The following ADAMTS19 variants were observed in gnomAD, a reference collection of about 807,000 sequenced individuals.
ADAMTS19 encodes A disintegrin and metalloproteinase with thrombospondin motifs 19.
A neutral mutation model predicts 153.3 loss-of-function variants in ADAMTS19; 93 were observed. That is an observed-to-expected ratio of 0.61 (90% CI 0.51 to 0.72). ADAMTS19 has a LOEUF of 0.72. Ranked by LOEUF, ADAMTS19 falls within the 30% of genes least tolerant of loss-of-function variation. The pLI, the probability that ADAMTS19 is intolerant of heterozygous loss-of-function variation, is 0.00. For missense variants in ADAMTS19, 1,482 were observed against 1,552.1 expected, an observed-to-expected ratio of 0.95 and a Z score of 0.76; for synonymous variants, 600 against 556.6, an observed-to-expected ratio of 1.08 and a Z score of -1.10.
chr5:129,579,202 G>A (rs10042727), intron 7 of ADAMTS19, among the ~76,000 whole-genome samples: 4,280 of 152,240 alleles, frequency 0.028, 200 homozygotes, highest in African/African-American at 0.097. Flanking sequence ...GTGGTGATGA[G>A]CTTTTTTTCA....
At chr5:129,687,923 C>T (rs1755164061) in intron 18 of ADAMTS19, among the ~76,000 whole-genome samples, 1 of 152,164 alleles carries the variant, frequency 6.6e-6, no homozygotes. Flanking sequence ...ATAAAACAGT[C>T]ATTCTAATAA....
chr5:129,616,385 G>T (rs1309523181), intron 8 of ADAMTS19, among the ~76,000 whole-genome samples: 3 of 151,864 alleles, frequency 2.0e-5, no homozygotes, highest in African/African-American at 7.2e-5. Context: ...GTCATAAAAT[G>T]CTTAATGTAT....
chr5:129,713,547 G>A (rs935426812), intron 21 of ADAMTS19, among the ~76,000 whole-genome samples: 1 of 152,142 alleles, frequency 6.6e-6, no homozygotes, highest in Admixed American at 6.5e-5. Flanking sequence ...GATCAATTGA[G>A]GCCAGGAGTT....
chr5:129,681,247 G>A (rs1754797748), intron 17 of ADAMTS19, among the ~76,000 whole-genome samples: 1 of 152,090 alleles, frequency 6.6e-6, no homozygotes, highest in Admixed American at 6.6e-5. Flanking sequence ...ATTTGATTTG[G>A]GGCAGGATCT....
At chr5:129,650,004 CCT>C (rs1031652867) in intron 13 of ADAMTS19, among the ~76,000 whole-genome samples, 1 of 151,966 alleles carries the variant, frequency 6.6e-6, no homozygotes, top group Non-Finnish European at 1.5e-5. Context: ...ATGGCAAAAC[CCT>C]GTCTCTACCA....
chr5:129,715,663 C>G (rs541423281), intron 21 of ADAMTS19, among the ~76,000 whole-genome samples: 1 of 152,228 alleles, frequency 6.6e-6, no homozygotes, highest in East Asian at 1.9e-4. Flanking sequence ...GTTTTCTGGC[C>G]TGAGCAACTT....
intron 6 of ADAMTS19, among the ~76,000 whole-genome samples, chr5:129,551,276 TGAAGCATTCTTAGGAATGCTAA>T (rs977096074): frequency 6.6e-6 from 1 of 151,622 alleles, no homozygotes; most frequent in Non-Finnish European, 1.5e-5. Context: ...ATAACAACAG[TGAAGCATTCTTAGGAATGCTAA>T]GATATAATTT....
chr5:129,735,950 C>T (rs1185161735), intron 22 of ADAMTS19, among the ~76,000 whole-genome samples: 1 of 151,900 alleles, frequency 6.6e-6, no homozygotes, highest in Admixed American at 6.6e-5. Flanking sequence ...AATAATATTA[C>T]CAAAATGTAA....
At chr5:129,474,839 T>A (rs1750174579) in intron 2 of ADAMTS19, among the ~76,000 whole-genome samples, 1 of 152,220 alleles carries the variant, frequency 6.6e-6, no homozygotes, top group Non-Finnish European at 1.5e-5. Flanking sequence ...TAACTAATTA[T>A]ATTGAGCATA....
chr5:129,470,233 A>G (rs968256241), intron 2 of ADAMTS19, among the ~76,000 whole-genome samples: 1 of 152,246 alleles, frequency 6.6e-6, no homozygotes, highest in Admixed American at 6.5e-5. Flanking sequence ...TTTATGCAAC[A>G]CTAAAACAGA....
chr5:129,489,728 T>C (rs73787523), intron 2 of ADAMTS19, among the ~76,000 whole-genome samples: 1,983 of 152,010 alleles, frequency 0.013, 41 homozygotes, highest in African/African-American at 0.045. Flanking sequence ...AAATTAAGAG[T>C]GTGGGCTCAG....
intron 2 of ADAMTS19, among the ~76,000 whole-genome samples, chr5:129,490,158 A>C (rs1048973819): frequency 6.6e-6 from 1 of 152,224 alleles, no homozygotes; most frequent in Non-Finnish European, 1.5e-5. Context: ...TTGGCTGAGC[A>C]GTTGAATGAA....
chr5:129,539,736 G>A (rs1752593337), intron 6 of ADAMTS19, among the ~76,000 whole-genome samples: 1 of 152,058 alleles, frequency 6.6e-6, no homozygotes, highest in Admixed American at 6.6e-5. Context: ...AACATGTGCT[G>A]TAATAGTATT....
chr5:129,593,017 G>A lies in ADAMTS19; in HGVS notation c.1373-3542G>A, dbSNP rs185399018. On this transcript the variant is annotated intron_variant, in intron 7 of 22. Coordinates refer to ENST00000274487, the MANE Select transcript of ADAMTS19 (RefSeq NM_133638.6). ...ATTATAAACTATTGGCTTTATCATC[G>A]TATTTTTTTACATGACCACATGATA... 8.6e-5 allele frequency among the ~76,000 whole-genome samples: 13 copies of A among 151,930 alleles called. No homozygotes were observed. In the East Asian group the frequency reaches 2.3e-3, roughly 27 times the overall value.
At chr5:129,675,018 T>C (rs973737370) in intron 16 of ADAMTS19, among the ~76,000 whole-genome samples, 1 of 152,210 alleles carries the variant, frequency 6.6e-6, no homozygotes, top group African/African-American at 2.4e-5. Context: ...TCACTGGATA[T>C]AGAATTCGAG....
Position 129,460,333 on chromosome 5 carries a change from G to C in ADAMTS19, c.-59G>C. 2.4e-6 allele frequency: 3 copies of C among 1,270,578 alleles called. No individual in the cohort carries two copies. The highest frequency in any genetic ancestry group is 3.2e-6 in the Non-Finnish European group (3 of 945,596). The allele number at this position is 1,270,578 out of a possible 1,614,324, so 78.7% of individuals were successfully genotyped here. A position where few individuals can be genotyped will look rare whatever the true frequency, so the allele number is the denominator to read the frequency against. ...CGCTCCGGGGAGGCCGCTGCGCCCC[G>C]GAGTGGATCGCGCTGGAGGCGTGCG... On this transcript the variant is annotated 5_prime_UTR_variant, in exon 1 of 23. Transcript: ENST00000274487.
chr5:129,667,230 G>T (rs2127086713), intron 16 of ADAMTS19, among the ~76,000 whole-genome samples: 1 of 152,252 alleles, frequency 6.6e-6, no homozygotes. Flanking sequence ...GAGGTCTTCA[G>T]CCTCTTTGTT....
chr5:129,589,915 TTA>T (rs1442574236), intron 7 of ADAMTS19, among the ~76,000 whole-genome samples: 1 of 152,152 alleles, frequency 6.6e-6, no homozygotes, highest in Non-Finnish European at 1.5e-5. Flanking sequence ...AGGAGATCTT[TTA>T]TGTTACATAT....
chr5:129,662,888 ATTTT>A lies in ADAMTS19; in HGVS notation c.2426-2590_2426-2587del, dbSNP rs3049499. Among the ~76,000 whole-genome samples, 676 of 92,880 alleles carry A rather than the reference ATTTT, an allele frequency of 7.3e-3. 6 individuals carry two copies. The highest frequency in any genetic ancestry group is 0.027 in the African/African-American group (568 of 21,226). 60.9% of individuals were successfully genotyped at this position (92,880 alleles called of 152,430 possible). ...CTCCTCCTTCTCATGATTCTTCTTC[ATTTT>A]TTTTTTTTTTTTTTTTTTTTGAGAC... On this transcript the variant is annotated intron_variant, in intron 15 of 22. Coordinates refer to ENST00000274487, the MANE Select transcript of ADAMTS19 (RefSeq NM_133638.6).
Sources: gnomAD v4.1 joint callset for allele counts (sites outside exome capture counted in the v4.1 genomes callset) on GRCh38, gnomAD v4.1.1 for gene constraint, MANE v1.5 for transcripts, NCBI Gene and HGNC (gene_info 2026-07-23, HGNC 2026-07-21) for gene names.